Variants in WWOX observed in about 807,000 individuals in gnomAD.
WWOX encodes the protein WW domain containing oxidoreductase, also known as WW domain-containing oxidoreductase.
In WWOX, 69 loss-of-function variants were observed where a neutral mutation model predicts 46.2. The observed-to-expected ratio is 1.49, with a 90% CI of 1.23 to 1.82. WWOX has a LOEUF of 1.82. Among genes scored for constraint, WWOX ranks in the 40% most tolerant of loss-of-function variants. The pLI, the probability that WWOX is intolerant of heterozygous loss-of-function variation, is 0.00. For missense variants in WWOX, 919 were observed against 542.6 expected, an observed-to-expected ratio of 1.69 and a Z score of -6.89; for synonymous variants, 359 against 202.6, an observed-to-expected ratio of 1.77 and a Z score of -6.56.
intron 8 of WWOX, among the ~76,000 whole-genome samples, chr16:79,014,825 C>G (rs1266398630): frequency 2.0e-5 from 3 of 152,166 alleles, no homozygotes. Context: ...TTTTGTTCAA[C>G]TTATATTTAT....
intron 8 of WWOX, among the ~76,000 whole-genome samples, chr16:78,644,009 G>T (rs930301882): frequency 6.6e-6 from 1 of 152,084 alleles, no homozygotes; most frequent in Non-Finnish European, 1.5e-5. Flanking sequence ...GATCACGTGA[G>T]GTCAGGAGTT....
chr16:78,260,868 T>G (rs1278343854), intron 5 of WWOX, among the ~76,000 whole-genome samples: 1 of 134,434 alleles, frequency 7.4e-6, no homozygotes, highest in African/African-American at 2.9e-5. Context: ...ACCCGGGAGG[T>G]GGAGGTTGCA....
intron 8 of WWOX, among the ~76,000 whole-genome samples, chr16:79,141,119 C>G (rs2050080920): frequency 6.6e-6 from 1 of 152,216 alleles, no homozygotes; most frequent in African/African-American, 2.4e-5. Context: ...AGTCACCCCT[C>G]TGTTCACTGA....
chr16:78,164,039 C>G (rs573384803), intron 4 of WWOX, 144 bp from the exon 5 acceptor site: 1 of 770,492 alleles, frequency 1.3e-6, no homozygotes, highest in East Asian at 2.7e-5. Flanking sequence ...TGTCTCCAGA[C>G]ATTTGCTTCT....
chr16:78,992,464 C>G (rs2046907345), intron 8 of WWOX, among the ~76,000 whole-genome samples: 1 of 152,094 alleles, frequency 6.6e-6, no homozygotes. Context: ...GACACTCTAT[C>G]TCAAAAAAAC....
chr16:78,852,208 G>C (rs148743896), intron 8 of WWOX, among the ~76,000 whole-genome samples: 1 of 152,346 alleles, frequency 6.6e-6, no homozygotes, highest in African/African-American at 2.4e-5. Flanking sequence ...CAGAGGTCAA[G>C]ATGGCCTCTA....
At chr16:79,043,153 AG>A (rs1483160813) in intron 8 of WWOX, among the ~76,000 whole-genome samples, 2 of 152,090 alleles carry the variant, frequency 1.3e-5, no homozygotes, top group African/African-American at 4.8e-5. Flanking sequence ...TTGCAGCTGA[AG>A]AGAAGAGAGA....
intron 8 of WWOX, among the ~76,000 whole-genome samples, chr16:78,980,954 C>T (rs959911255): frequency 2.6e-5 from 4 of 152,118 alleles, no homozygotes; most frequent in African/African-American, 9.7e-5. Context: ...GATATAAAGT[C>T]ACAGGGTTGG....
chr16:78,699,440 G>A (rs1221644202), intron 8 of WWOX, among the ~76,000 whole-genome samples: 1 of 152,134 alleles, frequency 6.6e-6, no homozygotes, highest in Non-Finnish European at 1.5e-5. Flanking sequence ...TTGGGAGGCT[G>A]AAGTGGGAAG....
intron 5 of WWOX, chr16:78,278,695 T>A: frequency 6.4e-7 from 1 of 1,561,802 alleles, no homozygotes; most frequent in Non-Finnish European, 8.8e-7. Context: ...AATAGTCTCA[T>A]CAATTACATC....
At position 78,592,687 on chromosome 16, in the gene WWOX, G is replaced by T. The variant is rs538083815; in HGVS notation, c.1056+159935G>T. Among the ~76,000 whole-genome samples the T allele has an allele frequency of 1.4e-4, 22 of 152,226 alleles. No homozygotes were observed. The South Asian group carries it at 4.6e-3, about 32-fold the overall frequency. ...GTGTGTAAATTAGGAATTGCATTTC[G>T]CTGCTGCTAACAAGGACCCAAACAT... On this transcript the variant is annotated intron_variant, in intron 8 of 8. Coordinates refer to ENST00000566780, the MANE Select transcript of WWOX (RefSeq NM_016373.4).
intron 7 of WWOX, among the ~76,000 whole-genome samples, chr16:78,425,436 G>T (rs989198051): frequency 1.3e-5 from 2 of 152,188 alleles, no homozygotes; most frequent in East Asian, 3.9e-4. Flanking sequence ...ATTAGAGCCT[G>T]CGAGATGAAA....
chr16:79,162,967 C>T (rs1050305527), intron 8 of WWOX, among the ~76,000 whole-genome samples: 7 of 152,190 alleles, frequency 4.6e-5, no homozygotes, highest in African/African-American at 1.7e-4. Context: ...AGAAAAAGTC[C>T]TTATGGATAG....
intron 8 of WWOX, among the ~76,000 whole-genome samples, chr16:78,462,790 C>T (rs753754593): frequency 6.6e-6 from 1 of 152,206 alleles, no homozygotes; most frequent in Non-Finnish European, 1.5e-5. Context: ...GTTACGCTTC[C>T]CTTGATTAGC....
chr16:78,148,320 G>C (rs1212770083), intron 4 of WWOX, among the ~76,000 whole-genome samples: 2 of 152,182 alleles, frequency 1.3e-5, no homozygotes, highest in Non-Finnish European at 2.9e-5. Flanking sequence ...GCATGCCTGT[G>C]TGTGTCATTG....
chr16:78,464,749 C>G (rs2084033491), intron 8 of WWOX, among the ~76,000 whole-genome samples: 1 of 152,126 alleles, frequency 6.6e-6, no homozygotes, highest in Non-Finnish European at 1.5e-5. Flanking sequence ...GGGCCCCATT[C>G]AGTCTCCTTT....
At chr16:78,901,009 A>G (rs1463022554) in intron 8 of WWOX, among the ~76,000 whole-genome samples, 2 of 152,212 alleles carry the variant, frequency 1.3e-5, no homozygotes, top group African/African-American at 4.8e-5. Context: ...GAAGTTTCCA[A>G]GAACATGTTC....
intron 8 of WWOX, among the ~76,000 whole-genome samples, chr16:78,730,602 C>T (rs2048945703): frequency 6.7e-6 from 1 of 148,494 alleles, no homozygotes; most frequent in South Asian, 2.1e-4. Context: ...CAGGTGCATG[C>T]CACCACGCCC....
Position 78,936,764 on chromosome 16 carries a change from T to TAA in WWOX, c.1057-274836_1057-274835dup, listed in dbSNP as rs75330316. Among the ~76,000 whole-genome samples, 10 of 151,274 alleles carry TAA rather than the reference T, an allele frequency of 6.6e-5. No homozygotes were observed. In the East Asian group the frequency reaches 1.4e-3, roughly 21 times the overall value. On this transcript the variant is annotated intron_variant, in intron 8 of 8. Transcript: ENST00000566780. ...TCCAGTGGATCAACTATGAGTTAAGTAAAAAAAAAGTCAGTGCTACCGTTT... is the reference window on the plus strand; with the variant it reads ...TCCAGTGGATCAACTATGAGTTAAGTAAAAAAAAAAAGTCAGTGCTACCGTTT...
Sources: allele counts gnomAD v4.1 joint callset (sites outside exome capture counted in the v4.1 genomes callset), GRCh38; gene constraint gnomAD v4.1.1; transcripts MANE v1.5; gene names NCBI Gene and HGNC (gene_info 2026-07-23, HGNC 2026-07-21).